Variants in FAM222A observed in about 807,000 individuals in gnomAD.
The protein encoded by FAM222A is family with sequence similarity 222 member A.
A neutral mutation model predicts 25.8 loss-of-function variants in FAM222A; 7 were observed. That is an observed-to-expected ratio of 0.27 (90% CI 0.15 to 0.51). The LOEUF (loss-of-function observed/expected upper bound fraction) is 0.51, where lower values mean the gene tolerates loss of function less well. FAM222A is among the 20% of genes least tolerant of loss of function. The pLI, the probability that FAM222A is intolerant of heterozygous loss-of-function variation, is 0.97. For synonymous variants in FAM222A, 294 were observed against 298.8 expected, an observed-to-expected ratio of 0.98 and a Z score of 0.17; for missense variants, 573 against 640.5, an observed-to-expected ratio of 0.89 and a Z score of 1.14.
rs1299918271 is a variant in FAM222A at position 109,768,071 on chromosome 12, G to A, written c.142G>A (p.Ala48Thr). Residue 48 changes from alanine to threonine, a missense_variant, in exon 3 of 3, where the codon GCC becomes ACC. This residue lies in a region of FAM222A where 112 missense variants were observed against 154.6 expected (regional missense o/e 0.72). Coordinates refer to ENST00000538780, the MANE Select transcript of FAM222A (RefSeq NM_032829.3). Reference protein sequence around the residue: ...SRYPSPAELDAYAEKVANSPL... With the variant: ...SRYPSPAELDTYAEKVANSPL... ...CTACCCGAGCCCAGCAGAACTGGACGCCTATGCCGAGAAGGTGGCCAACAG... is the reference window on the plus strand; with the variant it reads ...CTACCCGAGCCCAGCAGAACTGGACACCTATGCCGAGAAGGTGGCCAACAG... The A allele has an allele frequency of 3.1e-6, 5 of 1,613,866 alleles. No individual in the cohort carries two copies. The highest frequency in any genetic ancestry group is 2.2e-5 in the East Asian group (1 of 44,886).
At chr12:109,745,898 T>G (rs1327273907) in intron 2 of FAM222A, among the ~76,000 whole-genome samples, 1 of 152,050 alleles carries the variant, frequency 6.6e-6, no homozygotes, top group East Asian at 1.9e-4. Context: ...TCTACTTATC[T>G]CCTTGGCTCC....
At chr12:109,730,089 T>TCC (rs1887918067) in intron 1 of FAM222A, among the ~76,000 whole-genome samples, 1 of 152,108 alleles carries the variant, frequency 6.6e-6, no homozygotes, top group Non-Finnish European at 1.5e-5. Context: ...TCGAGGTCCC[T>TCC]CCTAACCCCT....
intron 2 of FAM222A, among the ~76,000 whole-genome samples, chr12:109,746,445 C>T (rs1054469701): frequency 3.3e-5 from 5 of 151,814 alleles, no homozygotes; most frequent in South Asian, 2.1e-4. Flanking sequence ...GCCAAGATAG[C>T]GCCACTGCAC....
At chr12:109,735,799 C>T (rs1222302864) in intron 1 of FAM222A, 1 of 152,236 alleles carries the variant, frequency 6.6e-6, no homozygotes, top group East Asian at 1.9e-4. Context: ...TATCGATTCT[C>T]AGATCTCCCC....
rs1207579628 is a variant in FAM222A at position 109,714,013 on chromosome 12, C to A, written c.-931C>A. ...CGGCGCGAGGCTGCGGCCCCGGGAG[C>A]CCCCGCGCGCCGCCCGGGGCCATGG... On this transcript the variant is annotated 5_prime_UTR_variant, in exon 1 of 3. Coordinates refer to ENST00000538780, the MANE Select transcript of FAM222A (RefSeq NM_032829.3). The surrounding 1 kb of genome is among the most constrained non-coding windows in gnomAD (Gnocchi z 4.2). 6.8e-6 allele frequency among the ~76,000 whole-genome samples: 1 copy of A among 147,626 alleles called. No individual in the cohort carries two copies. The highest frequency in any genetic ancestry group is 2.0e-4 in the East Asian group (1 of 5,066).
At chr12:109,740,238 G>A (rs1384295590) in intron 1 of FAM222A, among the ~76,000 whole-genome samples, 1 of 152,034 alleles carries the variant, frequency 6.6e-6, no homozygotes, top group South Asian at 2.1e-4. Flanking sequence ...AGGACACATC[G>A]ACAGCTGGGG....
chr12:109,747,820 G>A (rs986199441), intron 2 of FAM222A, among the ~76,000 whole-genome samples: 3 of 152,096 alleles, frequency 2.0e-5, no homozygotes, highest in African/African-American at 4.8e-5. Flanking sequence ...CAATTTAGGC[G>A]CTTGGGTTTT....
intron 1 of FAM222A, among the ~76,000 whole-genome samples, chr12:109,728,810 G>A (rs1490651081): frequency 6.6e-6 from 1 of 152,228 alleles, no homozygotes; most frequent in Non-Finnish European, 1.5e-5. Context: ...ACACAAACAG[G>A]TCAGTGACAG....
intron 2 of FAM222A, among the ~76,000 whole-genome samples, chr12:109,753,237 C>T (rs1310951696): frequency 6.6e-6 from 1 of 152,132 alleles, no homozygotes; most frequent in African/African-American, 2.4e-5. Flanking sequence ...GCAGCTGTCC[C>T]AGGAGGCAGA....
chr12:109,747,445 C>T lies in FAM222A; in HGVS notation c.82+3217C>T, dbSNP rs749842439. 3.9e-5 allele frequency among the ~76,000 whole-genome samples: 6 copies of T among 152,310 alleles called. No homozygotes were observed. The East Asian group carries it at 9.6e-4, about 24-fold the overall frequency. ...GAGGTTGTTGCTCCTTGTTCTCCCC[C>T]TCTACCCAAATTTCCTTGGCTCTTT... On this transcript the variant is annotated intron_variant, in intron 2 of 2. Coordinates refer to ENST00000538780, the MANE Select transcript of FAM222A (RefSeq NM_032829.3).
chr12:109,762,229 G>C (rs970287853), intron 2 of FAM222A, among the ~76,000 whole-genome samples: 7 of 152,188 alleles, frequency 4.6e-5, no homozygotes, highest in African/African-American at 1.7e-4. Context: ...GTCATGCTCG[G>C]GAATAGGGGC....
At chr12:109,766,000 G>A (rs1234775665) in intron 2 of FAM222A, among the ~76,000 whole-genome samples, 2 of 152,220 alleles carry the variant, frequency 1.3e-5, no homozygotes, top group African/African-American at 4.8e-5. Flanking sequence ...TTACAGATGA[G>A]GAAGCAGAGG....
chr12:109,765,872 G>C (rs1337630693), intron 2 of FAM222A, among the ~76,000 whole-genome samples: 1 of 152,210 alleles, frequency 6.6e-6, no homozygotes, highest in Non-Finnish European at 1.5e-5. Flanking sequence ...AGATGGGGAA[G>C]GTATTAATAC....
intron 1 of FAM222A, among the ~76,000 whole-genome samples, chr12:109,731,252 G>A (rs1566186411): frequency 6.6e-6 from 1 of 152,072 alleles, no homozygotes; most frequent in Non-Finnish European, 1.5e-5. Context: ...GGCGGGAGGG[G>A]TAACTCAACT....
intron 1 of FAM222A, among the ~76,000 whole-genome samples, chr12:109,740,804 G>A (rs935609170): frequency 1.3e-5 from 2 of 152,224 alleles, no homozygotes; most frequent in African/African-American, 2.4e-5. Flanking sequence ...ACAGTCCAGC[G>A]GAGGGAGAGA....
intron 2 of FAM222A, among the ~76,000 whole-genome samples, chr12:109,767,062 C>CTTTTTTTTTTTTTTT (rs757766627): frequency 1.1e-5 from 1 of 93,068 alleles, no homozygotes; most frequent in African/African-American, 4.3e-5. Flanking sequence ...TGCTTGGCTT[C>CTTTTTTTTTTTTTTT]TTTTTTTTTT....
At chr12:109,757,765 A>C (rs1205846953) in intron 2 of FAM222A, among the ~76,000 whole-genome samples, 1 of 97,528 alleles carries the variant, frequency 1.0e-5, no homozygotes, top group Admixed American at 1.2e-4. Context: ...AGGGGTGGGG[A>C]GGGGGCGGGA....
intron 2 of FAM222A, among the ~76,000 whole-genome samples, chr12:109,751,504 T>A (rs2136358811): frequency 6.6e-6 from 1 of 152,344 alleles, no homozygotes; most frequent in East Asian, 1.9e-4. Context: ...GGAAATGAGT[T>A]TTTCCCAGTC....
chr12:109,757,469 A>G (rs192321087), intron 2 of FAM222A, among the ~76,000 whole-genome samples: 1 of 152,338 alleles, frequency 6.6e-6, no homozygotes, highest in East Asian at 1.9e-4. Context: ...GCAAGTGGTT[A>G]TCCACAGGGA....
Sources: gnomAD v4.1 joint callset for allele counts (sites outside exome capture counted in the v4.1 genomes callset) on GRCh38, gnomAD v4.1.1 for gene constraint, gnomAD v4.1.1 regional missense constraint, Gnocchi (gnomAD v3.1) non-coding constraint, MANE v1.5 for transcripts, NCBI Gene and HGNC (gene_info 2026-07-23, HGNC 2026-07-21) for gene names.